Variants in PTPN13 observed in about 807,000 individuals in gnomAD.
PTPN13 encodes protein tyrosine phosphatase non-receptor type 13.
A neutral mutation model predicts 284.0 loss-of-function variants in PTPN13; 191 were observed. The observed-to-expected ratio is 0.67, with a 90% CI of 0.60 to 0.76. The LOEUF is 0.76. Ranked by LOEUF, PTPN13 falls within the 30% of genes least tolerant of loss-of-function variation. PTPN13 has a pLI of 0.00. For missense variants in PTPN13, 2,797 were observed against 2,939.9 expected (o/e 0.95, Z 1.12); for synonymous variants, 986 against 1,022.3 (o/e 0.96, Z 0.68).
chr4:86,628,433 G>C (rs115906879), intron 1 of PTPN13, among the ~76,000 whole-genome samples: 2,453 of 151,040 alleles, frequency 0.016, 71 homozygotes, highest in African/African-American at 0.057. Flanking sequence ...ATATATTCTG[G>C]ATATAAGTCC....
chr4:86,763,990 C>CTT (rs1332972524), intron 24 of PTPN13, among the ~76,000 whole-genome samples: 1 of 152,066 alleles, frequency 6.6e-6, no homozygotes, highest in African/African-American at 2.4e-5. Flanking sequence ...AGAAAAAAAT[C>CTT]TAACGCCTTT....
intron 20 of PTPN13, among the ~76,000 whole-genome samples, chr4:86,757,804 C>G (rs1738158078): frequency 6.7e-6 from 1 of 149,124 alleles, no homozygotes; most frequent in Non-Finnish European, 1.5e-5. Context: ...CTATTTTACT[C>G]AAGAACTTAC....
intron 10 of PTPN13, among the ~76,000 whole-genome samples, chr4:86,727,174 T>C (rs1384564704): frequency 6.7e-6 from 1 of 149,624 alleles, no homozygotes; most frequent in East Asian, 1.9e-4. Context: ...CACTTGATCC[T>C]GGTGGATAAG....
In PTPN13 at chr4:86,690,640, T is replaced by G. The variant is rs1172079782; in HGVS notation, c.546+1450T>G. Among the ~76,000 whole-genome samples the G allele has an allele frequency of 2.0e-5, 3 of 152,232 alleles. 1 individual carries two copies. Among genetic ancestry groups the G allele is most frequent in the South Asian group, 4.1e-4 (2 of 4,820 alleles). On this transcript the variant is annotated intron_variant, in intron 5 of 47. Transcript: ENST00000411767. Reference sequence around the variant, plus strand: ...TTTCCTATTAGACAGTCCAGGGACTTTTTTATTACACCACACTTTCTCTAA... The same window carrying G: ...TTTCCTATTAGACAGTCCAGGGACTGTTTTATTACACCACACTTTCTCTAA...
intron 2 of PTPN13, among the ~76,000 whole-genome samples, chr4:86,655,586 G>A (rs567669198): frequency 3.9e-4 from 59 of 151,894 alleles, no homozygotes; most frequent in African/African-American, 6.5e-4. Context: ...CTCTTCTGGC[G>A]TGTAGAGTTT....
At chr4:86,626,624 G>T (rs1440233795) in intron 1 of PTPN13, among the ~76,000 whole-genome samples, 1 of 152,106 alleles carries the variant, frequency 6.6e-6, no homozygotes, top group Non-Finnish European at 1.5e-5. Context: ...ATTAGTGAGA[G>T]TGCAAAGATG....
Position 86,734,720 on chromosome 4 carries a change from T to C in PTPN13, c.2013-17T>C. 2 of 1,601,682 alleles carry C rather than the reference T, an allele frequency of 1.2e-6. No individual in the cohort carries two copies. The highest frequency in any genetic ancestry group is 1.7e-6 in the Non-Finnish European group (2 of 1,171,136). On this transcript the variant is annotated splice_polypyrimidine_tract_variant and intron_variant, in intron 13 of 47. Transcript: ENST00000411767. The stretch of plus-strand genomic sequence containing the variant: ...AAAATCAAAGGCCAAGATGTCTGTG[T>C]GTGTTTGTTTTTTCAGACATACTCT...
chr4:86,710,514 T>C (rs1366418660), intron 7 of PTPN13, among the ~76,000 whole-genome samples: 1 of 152,230 alleles, frequency 6.6e-6, no homozygotes, highest in East Asian at 1.9e-4. Context: ...AAGGCCAGAA[T>C]ATTATGCAAA....
At chr4:86,722,469 C>G in intron 10 of PTPN13, 35 bp downstream of exon 10, 1 of 1,557,104 alleles carries the variant, frequency 6.4e-7, no homozygotes, top group Non-Finnish European at 8.9e-7. Flanking sequence ...ACATCTAAAC[C>G]TGCTCTCACA....
In PTPN13 at chr4:86,762,930, A is replaced by G; in HGVS notation, c.3757A>G (p.Ser1253Gly). 6.2e-7 allele frequency: 1 copy of G among 1,613,938 alleles called. No homozygotes were observed. The highest frequency in any genetic ancestry group is 8.5e-7 in the Non-Finnish European group (1 of 1,179,860). ...SLSSQDSRTE[S>G]ASLSQSQVNG... ...GAGTTCTCAAGATTCCAGGACTGAG[A>G]GTGCCAGCTTGTCTCAAAGCCAGGT... The change falls in exon 24 of 48, where the codon AGT becomes GGT. Residue 1253 changes from serine to glycine, a missense_variant. Coordinates refer to ENST00000411767, the MANE Select transcript of PTPN13 (RefSeq NM_080683.3).
At chr4:86,747,545 CA>C (rs1565475211) in intron 17 of PTPN13, among the ~76,000 whole-genome samples, 2 of 144,452 alleles carry the variant, frequency 1.4e-5, no homozygotes, top group African/African-American at 5.3e-5. Flanking sequence ...GCAGCAGCAG[CA>C]GCGGCAGCAG....
intron 35 of PTPN13, among the ~76,000 whole-genome samples, chr4:86,778,790 T>C (rs1380547809): frequency 6.6e-6 from 1 of 152,124 alleles, no homozygotes; most frequent in African/African-American, 2.4e-5. Context: ...AATTTACAGA[T>C]TTTTTTAACG....
intron 1 of PTPN13, among the ~76,000 whole-genome samples, chr4:86,630,725 T>C (rs1722379855): frequency 6.6e-6 from 1 of 152,196 alleles, no homozygotes; most frequent in Non-Finnish European, 1.5e-5. Flanking sequence ...AGCATGTTTC[T>C]ATTAGCCCTA....
At chr4:86,677,200 G>A (rs577243931) in intron 3 of PTPN13, among the ~76,000 whole-genome samples, 13 of 152,106 alleles carry the variant, frequency 8.5e-5, no homozygotes, top group South Asian at 6.2e-4. Context: ...CTGGGAGGCA[G>A]AGCTTGCAGT....
intron 2 of PTPN13, among the ~76,000 whole-genome samples, chr4:86,649,224 C>T (rs1724803276): frequency 6.6e-6 from 1 of 152,162 alleles, no homozygotes; most frequent in Admixed American, 6.5e-5. Context: ...TGATGTGATC[C>T]TATTTGTTCA....
chr4:86,799,905 T>C (rs1743816456), intron 42 of PTPN13, among the ~76,000 whole-genome samples: 1 of 145,484 alleles, frequency 6.9e-6, no homozygotes, highest in Admixed American at 7.1e-5. Flanking sequence ...TGGCACAATC[T>C]TGGCTCACTG....
At chr4:86,709,280 A>C (rs1434204557) in intron 7 of PTPN13, among the ~76,000 whole-genome samples, 2 of 152,104 alleles carry the variant, frequency 1.3e-5, no homozygotes, top group African/African-American at 4.8e-5. Context: ...TCCCCAGTTT[A>C]GGATGATGAT....
intron 2 of PTPN13, among the ~76,000 whole-genome samples, chr4:86,636,356 A>G (rs1723016875): frequency 1.3e-5 from 2 of 152,052 alleles, no homozygotes; most frequent in South Asian, 4.1e-4. Context: ...AACATTTGAT[A>G]TCATGCCAGA....
intron 2 of PTPN13, among the ~76,000 whole-genome samples, chr4:86,638,580 A>G (rs138292915): frequency 0.046 from 7,053 of 152,302 alleles, 218 homozygotes; most frequent in African/African-American, 0.06. Context: ...CAATGGGGAA[A>G]CGATTCGCTA....
Sources: gnomAD v4.1 joint callset for allele counts (sites outside exome capture counted in the v4.1 genomes callset) on GRCh38, gnomAD v4.1.1 for gene constraint, MANE v1.5 for transcripts, NCBI Gene and HGNC (gene_info 2026-07-23, HGNC 2026-07-21) for gene names.